NUFIP2: variants seen among roughly 807,000 people sequenced by gnomAD.
The protein encoded by NUFIP2 is FMR1-interacting protein NUFIP2.
A neutral mutation model predicts 56.9 loss-of-function variants in NUFIP2; 6 were observed. The ratio of observed to expected loss-of-function variants is 0.11; its 90% CI spans 0.06 to 0.21. NUFIP2 has a LOEUF of 0.21. NUFIP2 is among the 10% of genes least tolerant of loss of function. The pLI is 1.00. For missense variants in NUFIP2, 828 were observed against 826.8 expected (o/e 1.00, Z -0.02); for synonymous variants, 321 against 298.2 (o/e 1.08, Z -0.79).
rs972440862 is a variant in NUFIP2, at chr17:29,261,113, A to T, written c.*3426T>A. 2.0e-5 allele frequency: 3 copies of T among 152,172 alleles called. No homozygotes were observed. The highest frequency in any genetic ancestry group is 7.2e-5 in the African/African-American group (3 of 41,458). 9.4% of individuals were successfully genotyped at this position (152,172 alleles called of 1,614,324 possible). On this transcript the variant is annotated 3_prime_UTR_variant, in exon 4 of 4. Transcript: ENST00000225388. ...GAAAAGGGGATTATTGAGGACACCT[A>T]CAAGAGTGGTATGTGACACAGAAGC...
chr17:29,272,116 G>C (rs2069077918), intron 2 of NUFIP2, among the ~76,000 whole-genome samples: 1 of 150,202 alleles, frequency 6.7e-6, no homozygotes, highest in African/African-American at 2.4e-5. Flanking sequence ...GAGAAGAGAA[G>C]AGAAGAAAAG....
At chr17:29,276,781 T>C (rs2069110918) in intron 2 of NUFIP2, among the ~76,000 whole-genome samples, 1 of 152,214 alleles carries the variant, frequency 6.6e-6, no homozygotes, top group Admixed American at 6.5e-5. Context: ...GAACAAATAC[T>C]ATTCATAAGT....
In NUFIP2 at chr17:29,294,007, T is replaced by A; in HGVS notation, c.53A>T (p.His18Leu). ...PQPQHHHSHH[H>L]PHHHPQQQQQ... ...CTGCTGCTGAGGGTGATGGTGCGGA[T>A]GGTGGTGGCTGTGATGGTGCTGAGG... is the stretch of plus-strand genomic sequence containing the variant. The change falls in exon 1 of 4, where the codon CAT (histidine) becomes CTT (leucine). Residue 18 changes from histidine (H) to leucine (L), a missense_variant. By Grantham distance (99) the His-to-Leu change is moderately conservative (BLOSUM62 -3). This residue lies in a region of NUFIP2 where 415 missense variants were observed against 408.7 expected (regional missense o/e 1.02). Transcript: ENST00000225388. 1 of 1,612,932 alleles carries A rather than the reference T, an allele frequency of 6.2e-7. No homozygotes were observed. Among genetic ancestry groups the A allele is most frequent in the Non-Finnish European group, 8.5e-7 (1 of 1,179,388 alleles).
At position 29,258,349 on chromosome 17, in the gene NUFIP2, A is replaced by G. The variant is rs1024057982; in HGVS notation, c.*6190T>C. The G allele has an allele frequency of 6.6e-6, 1 of 152,216 alleles. No individual in the cohort carries two copies. 9.4% of individuals were successfully genotyped at this position (152,216 alleles called of 1,614,324 possible). ...TCACTAAAGTTTTCCTTTGCTAAGT[A>G]AAAAGACAAGAGAAACAGCTGGAGT... On this transcript the variant is annotated 3_prime_UTR_variant, in exon 4 of 4. Coordinates refer to ENST00000225388, the MANE Select transcript of NUFIP2 (RefSeq NM_020772.3).
chr17:29,278,540 C>T (rs1321128338), intron 2 of NUFIP2, among the ~76,000 whole-genome samples: 1 of 152,090 alleles, frequency 6.6e-6, no homozygotes, highest in Non-Finnish European at 1.5e-5. Context: ...AGCCACCACG[C>T]CCGGCCCCCC....
At chr17:29,285,673 T>TC (rs2069168935) in intron 2 of NUFIP2, among the ~76,000 whole-genome samples, 2 of 152,280 alleles carry the variant, frequency 1.3e-5, no homozygotes, top group African/African-American at 4.8e-5. Flanking sequence ...AAATTTTTTT[T>TC]CAAGCACTCA....
At chr17:29,266,835 C>T (rs560001971) in intron 3 of NUFIP2, among the ~76,000 whole-genome samples, 13 of 151,730 alleles carry the variant, frequency 8.6e-5, no homozygotes, top group African/African-American at 2.9e-4. Context: ...CAGTATTGCC[C>T]CATCCTCGCC....
chr17:29,262,182 G>T lies in NUFIP2; in HGVS notation c.*2357C>A, dbSNP rs776154248. 2 of 152,430 alleles carry T rather than the reference G, an allele frequency of 1.3e-5. No homozygotes were observed. The highest frequency in any genetic ancestry group is 2.9e-5 in the Non-Finnish European group (2 of 68,010). 9.4% of individuals were successfully genotyped at this position (152,430 alleles called of 1,614,324 possible). On this transcript the variant is annotated 3_prime_UTR_variant, in exon 4 of 4. Coordinates refer to ENST00000225388, the MANE Select transcript of NUFIP2 (RefSeq NM_020772.3). ...ATGTCACAAACCCAGAAAGTTTCTT[G>T]TGAGTTGTGAGACGGAAGAACTTTA...
At chr17:29,280,363 A>G (rs2069132643) in intron 2 of NUFIP2, among the ~76,000 whole-genome samples, 1 of 152,222 alleles carries the variant, frequency 6.6e-6, no homozygotes, top group Non-Finnish European at 1.5e-5. Flanking sequence ...AGTCAAAGAG[A>G]GGCTTGCTAA....
intron 2 of NUFIP2, among the ~76,000 whole-genome samples, chr17:29,278,472 T>G (rs1375247247): frequency 6.6e-6 from 1 of 152,022 alleles, no homozygotes; most frequent in East Asian, 1.9e-4. Flanking sequence ...GGTCTCGATC[T>G]CCTGACCTCG....
chr17:29,256,636 G>A lies in NUFIP2; in HGVS notation c.*7903C>T, dbSNP rs2068972675. On this transcript the variant is annotated 3_prime_UTR_variant, in exon 4 of 4. Transcript: ENST00000225388. ...TAATATCTTCTACTTAAACATATTA[G>A]CCTCTCCTACAAAGGTCCTGAACCA... 6.6e-6 allele frequency: 1 copy of A among 151,148 alleles called. No homozygotes were observed. Among genetic ancestry groups the A allele is most frequent in the South Asian group, 2.1e-4 (1 of 4,790 alleles). 9.4% of individuals were successfully genotyped at this position (151,148 alleles called of 1,614,324 possible).
rs1043746567 is a variant in NUFIP2 at position 29,256,533 on chromosome 17, C to A, written c.*8006G>T. 5 of 152,028 alleles carry A rather than the reference C, an allele frequency of 3.3e-5. No homozygotes were observed. The highest frequency in any genetic ancestry group is 2.6e-4 in the Admixed American group (4 of 15,262). The allele number at this position is 152,028 out of a possible 1,614,324, so 9.4% of individuals were successfully genotyped here. A position where few individuals can be genotyped will look rare whatever the true frequency, so the allele number is the denominator to read the frequency against. Reference sequence around the variant, plus strand: ...AACAATATACTTGATGAAGAAGTAACCCTCTTCTGTATATTGAAAAAGCTA... The same window carrying A: ...AACAATATACTTGATGAAGAAGTAAACCTCTTCTGTATATTGAAAAAGCTA... On this transcript the variant is annotated 3_prime_UTR_variant, in exon 4 of 4. Transcript: ENST00000225388.
At chr17:29,293,368 G>C (rs996043444) in intron 1 of NUFIP2, among the ~76,000 whole-genome samples, 10 of 152,176 alleles carry the variant, frequency 6.6e-5, no homozygotes, top group African/African-American at 2.4e-4. Flanking sequence ...CATCCGAGTC[G>C]GGATTCGCTA....
chr17:29,281,771 C>G, intron 2 of NUFIP2, among the ~76,000 whole-genome samples: 1 of 150,150 alleles, frequency 6.7e-6, no homozygotes, highest in Non-Finnish European at 1.5e-5. Flanking sequence ...CACCCCCCAC[C>G]CTTTTTTTTT....
chr17:29,290,179 C>T (rs980359651), intron 1 of NUFIP2, among the ~76,000 whole-genome samples: 4 of 152,196 alleles, frequency 2.6e-5, no homozygotes, highest in East Asian at 3.9e-4. Flanking sequence ...GCCACCACAC[C>T]GGCCTCTTAG....
intron 2 of NUFIP2, among the ~76,000 whole-genome samples, chr17:29,284,720 A>G (rs926625500): frequency 6.6e-6 from 1 of 150,570 alleles, no homozygotes; most frequent in African/African-American, 2.4e-5. Context: ...AAAAAAAAAA[A>G]AAAAAAAGAA....
chr17:29,294,095 G>A lies in NUFIP2; in HGVS notation c.-36C>T, dbSNP rs375937559. 5.8e-6 allele frequency: 9 copies of A among 1,563,386 alleles called. No homozygotes were observed. Among genetic ancestry groups the A allele is most frequent in the Non-Finnish European group, 7.8e-6 (9 of 1,153,534 alleles). ...TGGGACTCCCTGGCTGAGGCTGCGG[G>A]CTGCTGCACCGTCAGGATCTGAGAC... On this transcript the variant is annotated 5_prime_UTR_variant, in exon 1 of 4. Transcript: ENST00000225388.
In NUFIP2 at chr17:29,261,825, G is replaced by A. The variant is rs1458906026; in HGVS notation, c.*2714C>T. 1 of 152,474 alleles carries A rather than the reference G, an allele frequency of 6.6e-6. No homozygotes were observed. The highest frequency in any genetic ancestry group is 1.9e-4 in the East Asian group (1 of 5,194). 9.4% of individuals were successfully genotyped at this position (152,474 alleles called of 1,614,324 possible). On this transcript the variant is annotated 3_prime_UTR_variant, in exon 4 of 4. Transcript: ENST00000225388. ...TGACAGTTAATATGATGGGGCACTA[G>A]GGTTCTCAGAAAGTTAACAGACATT...
chr17:29,256,675 A>C lies in NUFIP2; in HGVS notation c.*7864T>G, dbSNP rs1443146085. On this transcript the variant is annotated 3_prime_UTR_variant, in exon 4 of 4. Coordinates refer to ENST00000225388, the MANE Select transcript of NUFIP2 (RefSeq NM_020772.3). ...GGTCCTGAACCAATTAAAAAAAAAA[A>C]AACTTTAAAAAAGATGATTTGACAA... The C allele has an allele frequency of 2.0e-5, 3 of 152,124 alleles. No homozygotes were observed. Among genetic ancestry groups the C allele is most frequent in the Non-Finnish European group, 4.4e-5 (3 of 67,998 alleles). 9.4% of individuals were successfully genotyped at this position (152,124 alleles called of 1,614,324 possible).
Sources: allele counts gnomAD v4.1 joint callset (sites outside exome capture counted in the v4.1 genomes callset), GRCh38; gene constraint gnomAD v4.1.1; regional missense constraint gnomAD v4.1.1; transcripts MANE v1.5; gene names NCBI Gene and HGNC (gene_info 2026-07-23, HGNC 2026-07-21).